The following ST3GAL3 variants were observed in gnomAD, a reference collection of about 807,000 sequenced individuals.
ST3GAL3 encodes ST3 beta-galactoside alpha-2,3-sialyltransferase 3, also known as CMP-N-acetylneuraminate-beta-1,4-galactoside alpha-2,3-sialyltransferase.
A neutral mutation model predicts 50.1 loss-of-function variants in ST3GAL3; 21 were observed. The ratio of observed to expected loss-of-function variants is 0.42; its 90% CI spans 0.30 to 0.60. ST3GAL3 has a LOEUF of 0.60. Among genes scored for constraint, ST3GAL3 ranks in the 20% least tolerant of loss-of-function variants. The probability of loss-of-function intolerance (pLI) is 0.19; values close to 1 mark genes in which losing one functional copy is unlikely to be tolerated. For synonymous variants in ST3GAL3, 183 were observed against 190.0 expected (o/e 0.96, Z 0.30); for missense variants, 353 against 489.4 (o/e 0.72, Z 2.63).
chr1:43,790,216 T>C (rs1156512473), intron 2 of ST3GAL3, among the ~76,000 whole-genome samples: 1 of 152,238 alleles, frequency 6.6e-6, no homozygotes, highest in Non-Finnish European at 1.5e-5. Flanking sequence ...GTGCCAGGTG[T>C]AGCAGTGAAT....
intron 2 of ST3GAL3, among the ~76,000 whole-genome samples, chr1:43,782,530 C>T (rs2154143603): frequency 6.6e-6 from 1 of 150,444 alleles, no homozygotes; most frequent in African/African-American, 2.5e-5. Flanking sequence ...TTCAAAACCC[C>T]ATCTGGTCTG....
chr1:43,764,527 A>G (rs1316941264), intron 2 of ST3GAL3, among the ~76,000 whole-genome samples: 2 of 152,214 alleles, frequency 1.3e-5, no homozygotes, highest in Non-Finnish European at 2.9e-5. Context: ...TATGGAATCA[A>G]TACTCCTGGA....
intron 9 of ST3GAL3, among the ~76,000 whole-genome samples, chr1:43,917,504 TTATATAATATAATA>T (rs1557535036): frequency 3.6e-5 from 2 of 55,854 alleles, no homozygotes; most frequent in African/African-American, 1.1e-4. Context: ...ATATAATATA[TTATATAATATAATA>T]TATATTATAT....
chr1:43,839,732 C>T (rs139768867), intron 5 of ST3GAL3: 12 of 152,328 alleles, frequency 7.9e-5, no homozygotes, highest in African/African-American at 2.9e-4. Flanking sequence ...TCAGGCTTTA[C>T]AGGAAGTATG....
chr1:43,908,707 A>G (rs1571237375), intron 9 of ST3GAL3, among the ~76,000 whole-genome samples: 1 of 150,996 alleles, frequency 6.6e-6, no homozygotes. Context: ...GCTCGCTGAA[A>G]CCTCCGCCAC....
At chr1:43,857,472 C>G (rs2068637473) in intron 5 of ST3GAL3, among the ~76,000 whole-genome samples, 1 of 144,980 alleles carries the variant, frequency 6.9e-6, no homozygotes, top group African/African-American at 2.5e-5. Context: ...TATTTCCCTC[C>G]TTCCTTCCTT....
chr1:43,858,606 G>A (rs1268957366), intron 5 of ST3GAL3, among the ~76,000 whole-genome samples: 1 of 152,224 alleles, frequency 6.6e-6, no homozygotes, highest in Non-Finnish European at 1.5e-5. Context: ...CCTGAGCTGT[G>A]TGAGGCTCCC....
At chr1:43,902,869 T>C (rs1294775117) in intron 9 of ST3GAL3, among the ~76,000 whole-genome samples, 1 of 152,140 alleles carries the variant, frequency 6.6e-6, no homozygotes, top group Non-Finnish European at 1.5e-5. Context: ...CCCCTGGGAA[T>C]ACAAAGAGGA....
chr1:43,800,265 G>A (rs1170237135), intron 3 of ST3GAL3, among the ~76,000 whole-genome samples: 1 of 152,216 alleles, frequency 6.6e-6, no homozygotes, highest in East Asian at 1.9e-4. Context: ...TTTAGTCTAG[G>A]TCAGTGGGCT....
chr1:43,815,127 C>T (rs756221323), intron 4 of ST3GAL3, 194 bp downstream of exon 4: 16 of 658,498 alleles, frequency 2.4e-5, no homozygotes, highest in Non-Finnish European at 3.8e-5. Flanking sequence ...ATGATGGGTG[C>T]AAACATAAGG....
chr1:43,806,336 C>T (rs1414738348), intron 3 of ST3GAL3, among the ~76,000 whole-genome samples: 3 of 152,126 alleles, frequency 2.0e-5, no homozygotes, highest in Non-Finnish European at 4.4e-5. Flanking sequence ...GGCATAAAGG[C>T]TCTCAGGCAT....
intron 5 of ST3GAL3, among the ~76,000 whole-genome samples, chr1:43,893,683 C>T (rs2076964346): frequency 1.3e-5 from 2 of 152,160 alleles, no homozygotes; most frequent in South Asian, 4.1e-4. Context: ...CCTCTCCAGG[C>T]CCAGATCAAC....
chr1:43,807,343 G>A (rs1396808396), intron 3 of ST3GAL3, among the ~76,000 whole-genome samples: 1 of 152,062 alleles, frequency 6.6e-6, no homozygotes, highest in Non-Finnish European at 1.5e-5. Flanking sequence ...TTGAGCCCAG[G>A]GGGCAGAGGT....
At chr1:43,921,611 C>A in intron 11 of ST3GAL3, 1 of 399,266 alleles carries the variant, frequency 2.5e-6, no homozygotes, top group Non-Finnish European at 4.4e-6. Flanking sequence ...TTGGAGGGAA[C>A]CTCCCATCTG....
chr1:43,908,489 C>T (rs1410853638), intron 9 of ST3GAL3, among the ~76,000 whole-genome samples: 1 of 152,176 alleles, frequency 6.6e-6, no homozygotes. Flanking sequence ...TTGGGCCCAG[C>T]GTTCTCTTTT....
At chr1:43,717,860 A>G (rs114707580) in intron 1 of ST3GAL3, among the ~76,000 whole-genome samples, 208 of 150,938 alleles carry the variant, frequency 1.4e-3, no homozygotes, top group African/African-American at 4.8e-3. Context: ...AAATAATTAT[A>G]CCTATCATGA....
At chr1:43,861,500 T>C (rs2154233042) in intron 5 of ST3GAL3, among the ~76,000 whole-genome samples, 1 of 152,286 alleles carries the variant, frequency 6.6e-6, no homozygotes, top group Non-Finnish European at 1.5e-5. Flanking sequence ...CAGAAATACT[T>C]CCACATATTG....
At chr1:43,708,723 G>C (rs1662890573) in intron 1 of ST3GAL3, among the ~76,000 whole-genome samples, 1 of 152,194 alleles carries the variant, frequency 6.6e-6, no homozygotes, top group Non-Finnish European at 1.5e-5. Context: ...GATATTTTGA[G>C]ATATTAAGTG....
intron 5 of ST3GAL3, among the ~76,000 whole-genome samples, chr1:43,860,038 AC>A (rs994905223): frequency 7.9e-5 from 12 of 152,088 alleles, no homozygotes; most frequent in African/African-American, 2.9e-4. Flanking sequence ...TGTTGCACAC[AC>A]AGGGGTCCCT....
Sources: allele counts gnomAD v4.1 joint callset (sites outside exome capture counted in the v4.1 genomes callset), GRCh38; gene constraint gnomAD v4.1.1; transcripts MANE v1.5; gene names NCBI Gene and HGNC (gene_info 2026-07-23, HGNC 2026-07-21).